The following RIF1 variants were observed in gnomAD, a reference collection of about 807,000 sequenced individuals.
RIF1 encodes telomere-associated protein RIF1.
RIF1 carries 45 observed loss-of-function variants against 247.1 expected under a neutral mutation model. The ratio of observed to expected loss-of-function variants is 0.18; its 90% confidence interval spans 0.14 to 0.23. The LOEUF (loss-of-function observed/expected upper bound fraction) is 0.23, where lower values mean the gene tolerates loss of function less well. Ranked by LOEUF, RIF1 falls within the 10% of genes least tolerant of loss-of-function variation. The pLI is 1.00. For synonymous variants in RIF1, 1,087 were observed against 978.8 expected (o/e 1.11, Z -2.06); for missense variants, 2,967 against 2,862.5 (o/e 1.04, Z -0.83).
intron 34 of RIF1, among the ~76,000 whole-genome samples, chr2:151,470,286 T>A (rs1465196185): frequency 2.0e-5 from 3 of 152,132 alleles, no homozygotes; most frequent in Admixed American, 6.5e-5. Context: ...AAGCTAAGAT[T>A]CTTCCCTGCT....
At chr2:151,491,587 C>G (rs2056685364) in intron 9 of RIF1, 1 of 1,050,798 alleles carries the variant, frequency 9.5e-7, no homozygotes, top group African/African-American at 1.6e-5. Flanking sequence ...ATGGAAAACT[C>G]TGGAGGGAAG....
intron 7 of RIF1, among the ~76,000 whole-genome samples, chr2:151,421,987 A>G (rs946479089): frequency 2.0e-5 from 3 of 151,936 alleles, no homozygotes; most frequent in African/African-American, 7.3e-5. Flanking sequence ...ACCTGCAACC[A>G]TGCCCGACCG....
chr2:151,419,476 C>T (rs1215358650), intron 6 of RIF1, among the ~76,000 whole-genome samples: 1 of 151,988 alleles, frequency 6.6e-6, no homozygotes, highest in Non-Finnish European at 1.5e-5. Context: ...CAAGCATGTG[C>T]CACCACACCC....
chr2:151,411,264 A>G lies in RIF1; in HGVS notation c.109A>G (p.Met37Val), dbSNP rs1686156299. The part of the protein sequence containing the change: ...TDAYLTLTSR[M>V]TGEEGKEVIT... ...GTGTTCTTCCTGCTTTTTAAGTCGTATGACTGGAGAAGAAGGAAAAGAAGT... is the reference window on the plus strand; with the variant it reads ...GTGTTCTTCCTGCTTTTTAAGTCGTGTGACTGGAGAAGAAGGAAAAGAAGT... Residue 37 changes from methionine to valine, a missense_variant, in exon 3 of 36, where the codon ATG becomes GTG. Met to Val is a conservative substitution (Grantham distance 21, BLOSUM62 1). Around this residue, in one of 7 missense-constraint regions of RIF1, gnomAD observed 269 missense variants for 288.6 expected, o/e 0.93. Transcript: ENST00000444746. 1.3e-6 allele frequency: 2 copies of G among 1,587,996 alleles called. No homozygotes were observed. Among genetic ancestry groups the G allele is most frequent in the East Asian group, 2.2e-5 (1 of 44,640 alleles).
chr2:151,414,734 A>AATATGCTTG lies in RIF1; in HGVS notation c.184-88_184-80dup, dbSNP rs552775996. On this transcript the variant is annotated intron_variant, in intron 3 of 35. Coordinates refer to ENST00000444746, the MANE Select transcript of RIF1 (RefSeq NM_018151.5). ...AAGGATTTGTTGGAGTAACATGATGAATATGCTTGTTCTGTAATCAACTTC... is the reference window on the plus strand; with the variant it reads ...AAGGATTTGTTGGAGTAACATGATGAATATGCTTGATATGCTTGTTCTGTAATCAACTTC... 1.7e-4 allele frequency: 139 copies of AATATGCTTG among 798,990 alleles called. No individual in the cohort carries two copies. The East Asian group carries it at 3.3e-3, about 19-fold the overall frequency. The allele number at this position is 798,990 out of a possible 1,614,324, so 49.5% of individuals were successfully genotyped here.
Position 151,409,955 on chromosome 2 carries a change from G to C in RIF1, c.-89G>C. 1.4e-6 allele frequency: 1 copy of C among 701,786 alleles called. No homozygotes were observed. The highest frequency in any genetic ancestry group is 1.5e-5 in the South Asian group (1 of 66,968). The allele number at this position is 701,786 out of a possible 1,614,324, so 43.5% of individuals were successfully genotyped here. A position where few individuals can be genotyped will look rare whatever the true frequency, so the allele number is the denominator to read the frequency against. Reference sequence around the variant, plus strand: ...CGCCGCACGCGTGAGTAAACAGCCGGAGCTGGGAAAGTCGAGCTCTGGCAG... The same window carrying C: ...CGCCGCACGCGTGAGTAAACAGCCGCAGCTGGGAAAGTCGAGCTCTGGCAG... On this transcript the variant is annotated 5_prime_UTR_variant, in exon 1 of 36. Coordinates refer to ENST00000444746, the MANE Select transcript of RIF1 (RefSeq NM_018151.5).
chr2:151,493,546 A>G, intron 9 of RIF1: 2 of 784,182 alleles, frequency 2.6e-6, no homozygotes, highest in Non-Finnish European at 4.0e-6. Context: ...GCTCAGTTAT[A>G]TCACACTGAA....
intron 21 of RIF1, among the ~76,000 whole-genome samples, chr2:151,453,070 T>G (rs138568539): frequency 6.6e-6 from 1 of 152,344 alleles, no homozygotes; most frequent in Admixed American, 6.5e-5. Context: ...TGATTTCAAA[T>G]TTAGAGAAAT....
the RIF1 span, chr2:151,527,718 T>C: frequency 6.4e-5 from 42 of 658,252 alleles, no homozygotes; most frequent in Non-Finnish European, 9.9e-5. Context: ...GAAGCCCCAA[T>C]TGAAATTTCT....
chr2:151,514,126 T>TA, the RIF1 span, among the ~76,000 whole-genome samples: 1 of 152,246 alleles, frequency 6.6e-6, no homozygotes, highest in African/African-American at 2.4e-5. Flanking sequence ...AACACACTGT[T>TA]ACAATATCCA....
downstream of RIF1, among the ~76,000 whole-genome samples, chr2:151,484,974 G>A (rs780195589): frequency 6.6e-6 from 1 of 152,104 alleles, no homozygotes; most frequent in Non-Finnish European, 1.5e-5. Context: ...GCATTACTAC[G>A]GCTGTAAAGT....
intron 9 of RIF1, among the ~76,000 whole-genome samples, chr2:151,431,815 A>G (rs1379966021): frequency 6.6e-6 from 1 of 152,022 alleles, no homozygotes; most frequent in African/African-American, 2.4e-5. Context: ...GAATGAATGA[A>G]CAAAAAGAAT....
At chr2:151,508,798 G>A (rs192161410), downstream of RIF1, among the ~76,000 whole-genome samples, 228 of 152,368 alleles carry the variant, frequency 1.5e-3, 2 homozygotes, top group South Asian at 0.031. Context: ...GGGCTCCCCT[G>A]TCCTGCCCCA....
At chr2:151,438,593 T>C (rs988731413) in intron 13 of RIF1, 91 bp from the exon 14 acceptor site, 2 of 803,778 alleles carry the variant, frequency 2.5e-6, no homozygotes, top group Non-Finnish European at 4.4e-6. Flanking sequence ...AATTTATTTG[T>C]TTAATGTAAG....
rs34575263 is a variant in RIF1 at position 151,475,255 on chromosome 2, C to CTT, written c.*193_*194dup. 0.034 allele frequency: 16,706 copies of CTT among 489,274 alleles called. 252 individuals are homozygous for CTT. The highest frequency in any genetic ancestry group is 0.12 in the East Asian group (3,331 of 27,820). The allele number at this position is 489,274 out of a possible 1,614,324, so 30.3% of individuals were successfully genotyped here. Reference sequence around the variant, plus strand: ...TTTTGTAAGTTCATTATGTAAGATCCTTTTTTTTTTCATAATATGTATTCT... The same window carrying CTT: ...TTTTGTAAGTTCATTATGTAAGATCCTTTTTTTTTTTTCATAATATGTATTCT... On this transcript the variant is annotated 3_prime_UTR_variant, in exon 36 of 36. Coordinates refer to ENST00000444746, the MANE Select transcript of RIF1 (RefSeq NM_018151.5).
the RIF1 span, chr2:151,518,566 A>C: frequency 1.5e-6 from 1 of 648,840 alleles, no homozygotes; most frequent in African/African-American, 1.8e-5. Context: ...GTTAAGAAAA[A>C]GTTTTAAAAA....
downstream of RIF1, among the ~76,000 whole-genome samples, chr2:151,511,284 A>G (rs1030314726): frequency 3.3e-5 from 5 of 152,086 alleles, no homozygotes; most frequent in Admixed American, 1.3e-4. Context: ...CTGCATCCCT[A>G]CCCTTCAAAG....
intron 9 of RIF1, chr2:151,490,326 G>A (rs377171458): frequency 2.4e-5 from 37 of 1,565,160 alleles, no homozygotes; most frequent in Non-Finnish European, 3.1e-5. Context: ...AACCATCAAT[G>A]AGCTGGCCGG....
chr2:151,493,324 C>T (rs2058004914), intron 9 of RIF1: 4 of 1,497,542 alleles, frequency 2.7e-6, no homozygotes, highest in Non-Finnish European at 3.7e-6. Flanking sequence ...CAAGTTGTTG[C>T]ACTATTTCTT....
Sources: gnomAD v4.1 joint callset for allele counts (sites outside exome capture counted in the v4.1 genomes callset) on GRCh38, gnomAD v4.1.1 for gene constraint, gnomAD v4.1.1 regional missense constraint, MANE v1.5 for transcripts, NCBI Gene and HGNC (gene_info 2026-07-23, HGNC 2026-07-21) for gene names.